The following LRRC9 variants were observed in gnomAD, a reference collection of about 807,000 sequenced individuals.
The protein encoded by LRRC9 is leucine-rich repeat-containing protein 9.
In LRRC9, 122 loss-of-function variants were observed where a neutral mutation model predicts 63.2. The observed-to-expected ratio is 1.93, with a 90% CI of 1.67 to 2.24. The LOEUF (loss-of-function observed/expected upper bound fraction) is 2.24, where lower values mean the gene tolerates loss of function less well. Among genes scored for constraint, LRRC9 ranks in the 30% most tolerant of loss-of-function variants. LRRC9 has a pLI of 0.00. For synonymous variants in LRRC9, 366 were observed against 213.1 expected, an observed-to-expected ratio of 1.72 and a Z score of -6.25; for missense variants, 1,071 against 627.7, an observed-to-expected ratio of 1.71 and a Z score of -7.55.
chr14:59,931,649 C>A, exon 5 of LRRC9: 1 of 699,372 alleles, frequency 1.4e-6, no homozygotes, highest in Non-Finnish European at 2.6e-6. Context: ...TTTAAAAGAT[C>A]TCAACCTTGC....
At position 59,946,853 on chromosome 14, in the gene LRRC9, T is replaced by G. The variant is rs1310067715; in HGVS notation, c.882+2109T>G. ...ACATGAACTCATCATTTTTTATGGCTGCATAGTATTCCATGGTGTATATGT... is the reference window on the plus strand; with the variant it reads ...ACATGAACTCATCATTTTTTATGGCGGCATAGTATTCCATGGTGTATATGT... On this transcript the variant is annotated intron_variant, in intron 8 of 31. Coordinates refer to ENST00000445360, the Ensembl canonical transcript of LRRC9. 1.8e-3 allele frequency among the ~76,000 whole-genome samples: 248 copies of G among 135,834 alleles called. 1 individual carries two copies. Among genetic ancestry groups the G allele is most frequent in the African/African-American group, 6.5e-3 (232 of 35,944 alleles). The allele number at this position is 135,834 out of a possible 152,430, so 89.1% of individuals were successfully genotyped here. A position where few individuals can be genotyped will look rare whatever the true frequency, so the allele number is the denominator to read the frequency against.
chr14:59,969,833 G>C (rs926811502), intron 12 of LRRC9, among the ~76,000 whole-genome samples: 1 of 152,124 alleles, frequency 6.6e-6, no homozygotes. Flanking sequence ...AGAGTATCAC[G>C]TATTCACTTA....
intron 23 of LRRC9, among the ~76,000 whole-genome samples, chr14:60,009,604 G>C (rs1890095067): frequency 6.6e-6 from 1 of 152,098 alleles, no homozygotes; most frequent in Admixed American, 6.6e-5. Flanking sequence ...CAAATCTCAT[G>C]TCCTCACATT....
At chr14:59,995,781 T>C (rs1888712030) in intron 17 of LRRC9, among the ~76,000 whole-genome samples, 1 of 151,986 alleles carries the variant, frequency 6.6e-6, no homozygotes, top group Non-Finnish European at 1.5e-5. Context: ...TGTTGCTCTA[T>C]AGCCAGGCTG....
intron 12 of LRRC9, among the ~76,000 whole-genome samples, chr14:59,974,171 G>T (rs1367847718): frequency 6.6e-6 from 1 of 152,066 alleles, no homozygotes; most frequent in Non-Finnish European, 1.5e-5. Flanking sequence ...AAACAATGTA[G>T]ATTATTAGCC....
chr14:59,975,127 GTA>G lies in LRRC9; in HGVS notation c.1639+430_1639+431del, dbSNP rs1286444884. On this transcript the variant is annotated intron_variant, in intron 13 of 31. Coordinates refer to ENST00000445360, the Ensembl canonical transcript of LRRC9. ...CATATATATATGTATATATATATATGTATATATATATACATATATATATGTAT... is the reference window on the plus strand; with the variant it reads ...CATATATATATGTATATATATATATGTATATATATACATATATATATGTAT... Among the ~76,000 whole-genome samples, 43 of 9,160 alleles carry G rather than the reference GTA, an allele frequency of 4.7e-3. 6 individuals carry two copies. Among genetic ancestry groups the G allele is most frequent in the African/African-American group, 8.0e-3 (38 of 4,760 alleles). The allele number at this position is 9,160 out of a possible 152,430, so 6.0% of individuals were successfully genotyped here.
chr14:60,004,482 A>C lies in LRRC9; in HGVS notation c.2842+684A>C, dbSNP rs967179487. On this transcript the variant is annotated intron_variant, in intron 21 of 31. Coordinates refer to ENST00000445360, the Ensembl canonical transcript of LRRC9. The surrounding 1 kb of genome is among the most constrained non-coding windows in gnomAD (Gnocchi z 4.8). ...ATATCTTAATAATAATGATACCAAT[A>C]TAATATATTTTATTTGACTGTTTAA... 1.3e-5 allele frequency among the ~76,000 whole-genome samples: 2 copies of C among 152,022 alleles called. No individual in the cohort carries two copies. The highest frequency in any genetic ancestry group is 4.8e-5 in the African/African-American group (2 of 41,436).
At position 60,031,721 on chromosome 14, in the gene LRRC9, C is replaced by T. The variant is rs574150186; in HGVS notation, c.3922-274C>T. ...ATGAGTCCTAGAATAAATCATAATT[C>T]TGAGAAAAAAATTTGATCTTTTCTT... On this transcript the variant is annotated intron_variant, in intron 28 of 31. Transcript: ENST00000445360. The surrounding 1 kb of genome is among the most constrained non-coding windows in gnomAD (Gnocchi z 4.6). Among the ~76,000 whole-genome samples, 1 of 152,072 alleles carries T rather than the reference C, an allele frequency of 6.6e-6. No homozygotes were observed. The highest frequency in any genetic ancestry group is 6.6e-5 in the Admixed American group (1 of 15,242).
Position 59,978,325 on chromosome 14 carries a change from T to C in LRRC9, c.1878+193T>C, listed in dbSNP as rs539165814. ...TAGGCAAATAATCAAATGATTAATA[T>C]ATGGCTGTACTCCCACTGGAAAAGA... is the stretch of plus-strand genomic sequence containing the variant. On this transcript the variant is annotated intron_variant, in intron 15 of 31. Transcript: ENST00000445360. Among the ~76,000 whole-genome samples, 323 of 152,344 alleles carry C rather than the reference T, an allele frequency of 2.1e-3. 2 individuals carry two copies. The highest frequency in any genetic ancestry group is 2.7e-3 in the Non-Finnish European group (185 of 68,014).
chr14:59,942,498 G>A lies in LRRC9; in HGVS notation c.727-2091G>A, dbSNP rs1388430771. 1.3e-5 allele frequency among the ~76,000 whole-genome samples: 2 copies of A among 152,164 alleles called. No homozygotes were observed. The highest frequency in any genetic ancestry group is 2.9e-5 in the Non-Finnish European group (2 of 68,024). ...AGTTCCGTTTTCTGGGCCCAGGTGG[G>A]CGGATCACTTGAGGTCAGCAGTTTG... On this transcript the variant is annotated intron_variant, in intron 7 of 31. Transcript: ENST00000445360. This position sits in a 1 kb window ranked among gnomAD's most constrained non-coding sequence, Gnocchi z 5.3.
At chr14:59,993,302 C>T (rs895343583) in intron 17 of LRRC9, among the ~76,000 whole-genome samples, 20 of 152,108 alleles carry the variant, frequency 1.3e-4, no homozygotes, top group African/African-American at 4.8e-4. Flanking sequence ...ACAAGAGCTC[C>T]TGAAGGAAGC....
At chr14:60,012,638 C>G (rs1269682872) in intron 23 of LRRC9, among the ~76,000 whole-genome samples, 1 of 152,146 alleles carries the variant, frequency 6.6e-6, no homozygotes, top group East Asian at 1.9e-4. Flanking sequence ...CAAATGTGAC[C>G]TGCCACCTAT....
At chr14:59,977,159 A>G in intron 13 of LRRC9, 66 bp from the exon 14 acceptor site, 1 of 622,638 alleles carries the variant, frequency 1.6e-6, no homozygotes, top group Non-Finnish European at 2.8e-6. Flanking sequence ...CCAATAAAGA[A>G]GGTTATGTTG....
At chr14:60,037,201 T>C (rs541981947) in intron 29 of LRRC9, among the ~76,000 whole-genome samples, 17 of 152,352 alleles carry the variant, frequency 1.1e-4, no homozygotes, top group African/African-American at 3.6e-4. Flanking sequence ...GTCTTTGCTA[T>C]TGTGAATAGT....
rs139566677 is a variant in LRRC9 at position 59,991,363 on chromosome 14, C to T, written c.2211+6139C>T. 5.6e-3 allele frequency among the ~76,000 whole-genome samples: 849 copies of T among 152,208 alleles called. 3 individuals are homozygous for T. Among genetic ancestry groups the T allele is most frequent in the Non-Finnish European group, 8.9e-3 (604 of 67,992 alleles). ...GAGCCAAGATGGCCACATAGGAATA[C>T]CTCCAGTCTACAGCTCCCAGCATGA... is the stretch of plus-strand genomic sequence containing the variant. On this transcript the variant is annotated intron_variant, in intron 17 of 31. Coordinates refer to ENST00000445360, the Ensembl canonical transcript of LRRC9.
At chr14:60,063,951 A>G (rs2140483624), downstream of LRRC9, among the ~76,000 whole-genome samples, 1 of 152,310 alleles carries the variant, frequency 6.6e-6, no homozygotes, top group Middle Eastern at 3.4e-3. Flanking sequence ...AAAATTGTTT[A>G]GAGATGCAAA....
At chr14:59,995,544 T>C (rs765065717) in intron 17 of LRRC9, among the ~76,000 whole-genome samples, 2 of 152,218 alleles carry the variant, frequency 1.3e-5, no homozygotes, top group Non-Finnish European at 2.9e-5. Context: ...AGTTGTACTG[T>C]ACTGTACTGT....
chr14:59,921,385 T>A (rs1030575278), intron 1 of LRRC9, among the ~76,000 whole-genome samples: 3 of 151,644 alleles, frequency 2.0e-5, no homozygotes, highest in African/African-American at 7.3e-5. Context: ...GAAGACAGAC[T>A]ACAGGGAGGA....
intron 1 of LRRC9, among the ~76,000 whole-genome samples, chr14:59,924,986 G>A (rs6573290): frequency 0.41 from 61,922 of 149,424 alleles, 13,230 homozygotes; most frequent in East Asian, 0.58. Context: ...ACTCCCTTAT[G>A]TCCTTCATTT....
Sources: gnomAD v4.1 joint callset for allele counts (sites outside exome capture counted in the v4.1 genomes callset) on GRCh38, gnomAD v4.1.1 for gene constraint, Gnocchi (gnomAD v3.1) non-coding constraint, MANE v1.5 for transcripts, NCBI Gene and HGNC (gene_info 2026-07-23, HGNC 2026-07-21) for gene names.